CARMIL1: variants seen among roughly 807,000 people sequenced by gnomAD.
The protein encoded by CARMIL1 is F-actin-uncapping protein LRRC16A.
In CARMIL1, 90 loss-of-function variants were observed where a neutral mutation model predicts 177.1. The observed-to-expected ratio is 0.51, with a 90% confidence interval of 0.43 to 0.61. The LOEUF (loss-of-function observed/expected upper bound fraction) is 0.61. CARMIL1 is among the 20% of genes least tolerant of loss of function. The probability of loss-of-function intolerance (pLI) is 0.00; values close to 1 mark genes in which losing one functional copy is unlikely to be tolerated. For missense variants in CARMIL1, 1,380 were observed against 1,667.0 expected, an observed-to-expected ratio of 0.83 and a Z score of 3.00; for synonymous variants, 577 against 606.2, an observed-to-expected ratio of 0.95 and a Z score of 0.71.
chr6:25,380,814 C>A (rs1385381758), intron 2 of CARMIL1, among the ~76,000 whole-genome samples: 1 of 152,046 alleles, frequency 6.6e-6, no homozygotes, highest in Non-Finnish European at 1.5e-5. Context: ...CTTTAAGGAG[C>A]CACAGTCTAG....
intron 17 of CARMIL1, among the ~76,000 whole-genome samples, chr6:25,507,667 T>C (rs2151039723): frequency 6.6e-6 from 1 of 152,320 alleles, no homozygotes; most frequent in Admixed American, 6.5e-5. Context: ...ATTTTTACTG[T>C]ACTTTACAAT....
chr6:25,387,881 T>G (rs1792339428), intron 2 of CARMIL1, among the ~76,000 whole-genome samples: 1 of 151,878 alleles, frequency 6.6e-6, no homozygotes, highest in Non-Finnish European at 1.5e-5. Context: ...CTTTTCCGAG[T>G]GGGTAATGAT....
intron 2 of CARMIL1, among the ~76,000 whole-genome samples, chr6:25,418,415 T>C (rs1014233823): frequency 1.1e-4 from 17 of 152,156 alleles, no homozygotes; most frequent in African/African-American, 4.1e-4. Flanking sequence ...ACAGATTATG[T>C]AGCCAGTCTT....
intron 3 of CARMIL1, among the ~76,000 whole-genome samples, chr6:25,425,170 C>T (rs777376589): frequency 7.9e-5 from 12 of 152,130 alleles, no homozygotes; most frequent in Non-Finnish European, 1.3e-4. Flanking sequence ...ACAAAACAAA[C>T]GTCTCAGTAC....
intron 5 of CARMIL1, among the ~76,000 whole-genome samples, chr6:25,445,499 A>C (rs942789951): frequency 1.8e-4 from 27 of 150,184 alleles, no homozygotes; most frequent in African/African-American, 6.1e-4. Flanking sequence ...AGGAATCACT[A>C]TCTATGGCTG....
intron 31 of CARMIL1, among the ~76,000 whole-genome samples, chr6:25,589,840 G>A (rs1267648212): frequency 6.6e-6 from 1 of 152,164 alleles, no homozygotes; most frequent in East Asian, 1.9e-4. Context: ...ACCACAGGTT[G>A]CATTCACCTT....
intron 31 of CARMIL1, among the ~76,000 whole-genome samples, chr6:25,593,084 C>T (rs999235730): frequency 2.0e-5 from 3 of 152,174 alleles, no homozygotes; most frequent in Non-Finnish European, 4.4e-5. Flanking sequence ...ACCTCAAACA[C>T]TCAAGAAGAT....
chr6:25,518,189 A>G (rs779032216), intron 22 of CARMIL1, among the ~76,000 whole-genome samples: 1 of 152,184 alleles, frequency 6.6e-6, no homozygotes, highest in Non-Finnish European at 1.5e-5. Context: ...GATTCCTTGT[A>G]TATGTGAGGC....
At chr6:25,340,926 G>T (rs1400036763) in intron 2 of CARMIL1, among the ~76,000 whole-genome samples, 1 of 151,992 alleles carries the variant, frequency 6.6e-6, no homozygotes, top group African/African-American at 2.4e-5. Context: ...AAGATAAGGG[G>T]TAAGTACCAA....
At chr6:25,506,054 G>A (rs1804878036) in intron 17 of CARMIL1, among the ~76,000 whole-genome samples, 1 of 152,210 alleles carries the variant, frequency 6.6e-6, no homozygotes, top group South Asian at 2.1e-4. Context: ...GAGTTTTGCA[G>A]CAATTGAATA....
chr6:25,496,739 C>T (rs1451242574), intron 16 of CARMIL1, among the ~76,000 whole-genome samples: 5 of 152,130 alleles, frequency 3.3e-5, no homozygotes, highest in Non-Finnish European at 5.9e-5. Flanking sequence ...GTGCTAGACA[C>T]CGGATGACAG....
chr6:25,388,934 CG>C (rs1792465155), intron 2 of CARMIL1, among the ~76,000 whole-genome samples: 1 of 151,830 alleles, frequency 6.6e-6, no homozygotes, highest in South Asian at 2.1e-4. Context: ...CTTCCTGTGT[CG>C]GCCTCCAAAA....
At chr6:25,488,150 A>T (rs112605140) in intron 12 of CARMIL1, among the ~76,000 whole-genome samples, 3,329 of 152,304 alleles carry the variant, frequency 0.022, 68 homozygotes, top group African/African-American at 0.057. Flanking sequence ...GGATTAAGAG[A>T]AGGATAAACA....
intron 33 of CARMIL1, among the ~76,000 whole-genome samples, chr6:25,602,497 A>G (rs537091202): frequency 2.0e-5 from 3 of 152,224 alleles, no homozygotes; most frequent in Admixed American, 2.0e-4. Flanking sequence ...TTGATATATA[A>G]ATCGACTTAA....
chr6:25,499,335 G>A (rs530616833), intron 16 of CARMIL1, among the ~76,000 whole-genome samples: 2 of 152,192 alleles, frequency 1.3e-5, no homozygotes, highest in East Asian at 3.8e-4. Flanking sequence ...TTCCTTGCTT[G>A]AGAGCAGGAA....
intron 2 of CARMIL1, among the ~76,000 whole-genome samples, chr6:25,381,857 C>A (rs1791581178): frequency 6.6e-6 from 1 of 152,258 alleles, no homozygotes; most frequent in African/African-American, 2.4e-5. Context: ...CTTCTTCCCT[C>A]CCCAGAAATG....
chr6:25,293,544 C>A (rs1439366739), intron 2 of CARMIL1, among the ~76,000 whole-genome samples: 2 of 151,572 alleles, frequency 1.3e-5, no homozygotes, highest in Non-Finnish European at 2.9e-5. Flanking sequence ...GCCACCATGC[C>A]GAATTTTTTT....
intron 2 of CARMIL1, among the ~76,000 whole-genome samples, chr6:25,332,773 G>GCATACACA (rs376381821): frequency 2.9e-5 from 3 of 104,374 alleles, no homozygotes; most frequent in African/African-American, 1.0e-4. Flanking sequence ...ACACACACAC[G>GCATACACA]CGCACACACA....
chr6:25,420,283 AC>A (rs1466569764), intron 3 of CARMIL1, 119 bp downstream of exon 3: 37 of 902,468 alleles, frequency 4.1e-5, no homozygotes, highest in Non-Finnish European at 6.6e-5. Context: ...GCAACACAAC[AC>A]ACACACACCT....
Sources: gnomAD v4.1 joint callset for allele counts (sites outside exome capture counted in the v4.1 genomes callset) on GRCh38, gnomAD v4.1.1 for gene constraint, MANE v1.5 for transcripts, NCBI Gene and HGNC (gene_info 2026-07-23, HGNC 2026-07-21) for gene names.